SLC24A2: variants seen among roughly 807,000 people sequenced by gnomAD.
The protein encoded by SLC24A2 is sodium/potassium/calcium exchanger 2.
A neutral mutation model predicts 62.0 loss-of-function variants in SLC24A2; 36 were observed. The observed-to-expected ratio is 0.58, with a 90% CI of 0.44 to 0.77. SLC24A2 has a LOEUF of 0.77. Among genes scored for constraint, SLC24A2 ranks in the 30% least tolerant of loss-of-function variants. The pLI, the probability that SLC24A2 is intolerant of heterozygous loss-of-function variation, is 0.00. For missense variants in SLC24A2, 846 were observed against 817.9 expected (o/e 1.03, Z -0.42); for synonymous variants, 358 against 294.0 (o/e 1.22, Z -2.23).
chr9:20,030,205 G>A, the SLC24A2 span, among the ~76,000 whole-genome samples: 3 of 152,326 alleles, frequency 2.0e-5, no homozygotes, highest in African/African-American at 7.2e-5. Flanking sequence ...TGGCAATGGA[G>A]CAGAGGCCAG....
intron 2 of SLC24A2, among the ~76,000 whole-genome samples, chr9:19,655,218 G>C (rs1347091448): frequency 6.6e-6 from 1 of 152,202 alleles, no homozygotes; most frequent in African/African-American, 2.4e-5. Flanking sequence ...TCCACCTGTT[G>C]TTTTGGTAGT....
At chr9:19,752,470 A>C (rs976482927) in intron 2 of SLC24A2, among the ~76,000 whole-genome samples, 2 of 149,594 alleles carry the variant, frequency 1.3e-5, no homozygotes, top group Non-Finnish European at 3.0e-5. Context: ...CAAAGCGATC[A>C]TCATGGCAGA....
At chr9:19,616,487 T>C (rs933356639) in intron 4 of SLC24A2, among the ~76,000 whole-genome samples, 15 of 152,222 alleles carry the variant, frequency 9.9e-5, no homozygotes, top group African/African-American at 3.1e-4. Context: ...AATTGCTACA[T>C]AATACTGCCT....
At chr9:20,200,442 T>A in the SLC24A2 span, among the ~76,000 whole-genome samples, 142 of 152,312 alleles carry the variant, frequency 9.3e-4, no homozygotes, top group African/African-American at 3.2e-3. Context: ...AGACTTTGAT[T>A]CTCACAAATT....
intron 1 of SLC24A2, among the ~76,000 whole-genome samples, chr9:19,787,536 T>C (rs1823211149): frequency 6.6e-6 from 1 of 152,198 alleles, no homozygotes; most frequent in Non-Finnish European, 1.5e-5. Flanking sequence ...ATTTGGAAAG[T>C]GAGTGATTCT....
At chr9:20,245,688 A>G in the SLC24A2 span, among the ~76,000 whole-genome samples, 1 of 152,240 alleles carries the variant, frequency 6.6e-6, no homozygotes, top group African/African-American at 2.4e-5. Context: ...ATTAGGATGA[A>G]CAAAATGCAG....
the SLC24A2 span, among the ~76,000 whole-genome samples, chr9:20,231,666 C>T: frequency 6.6e-6 from 1 of 152,148 alleles, no homozygotes; most frequent in Admixed American, 6.5e-5. Context: ...GATATAAAAT[C>T]ATGTCATCTG....
the SLC24A2 span, among the ~76,000 whole-genome samples, chr9:19,875,095 G>A: frequency 2.0e-5 from 3 of 150,168 alleles, no homozygotes; most frequent in African/African-American, 7.3e-5. Context: ...TCAATGGAAA[G>A]TTTACTCTTG....
the SLC24A2 span, among the ~76,000 whole-genome samples, chr9:19,796,334 T>C: frequency 6.6e-6 from 1 of 152,192 alleles, no homozygotes; most frequent in South Asian, 2.1e-4. Flanking sequence ...ATATAACTGT[T>C]CATTTCCCCT....
chr9:19,786,035 C>G lies in SLC24A2; in HGVS notation c.832G>C (p.Val278Leu). The change falls in exon 2 of 11, where the codon GTT becomes CTT. Residue 278 changes from valine (V) to leucine (L), a missense_variant. Transcript: ENST00000341998. The surrounding 1 kb of genome is among the most constrained non-coding windows in gnomAD (Gnocchi z 5.0). ...LLLTAYFCYVVFMKFNVQVEK... is the reference protein window; with the variant it reads ...LLLTAYFCYVLFMKFNVQVEK... ...ACTTGGACGTTGAATTTCATGAAAACCACATAGCAAAAATAAGCTGTTAAG... is the reference window on the plus strand; with the variant it reads ...ACTTGGACGTTGAATTTCATGAAAAGCACATAGCAAAAATAAGCTGTTAAG... 2 of 1,614,126 alleles carry G rather than the reference C, an allele frequency of 1.2e-6. No homozygotes were observed. The highest frequency in any genetic ancestry group is 8.5e-7 in the Non-Finnish European group (1 of 1,179,986).
At chr9:19,730,047 C>T (rs1454545110) in intron 2 of SLC24A2, among the ~76,000 whole-genome samples, 1 of 152,000 alleles carries the variant, frequency 6.6e-6, no homozygotes, top group East Asian at 1.9e-4. Context: ...AAAAGTACTG[C>T]CATTTAAATG....
At chr9:20,080,005 T>A in the SLC24A2 span, among the ~76,000 whole-genome samples, 1 of 152,210 alleles carries the variant, frequency 6.6e-6, no homozygotes, top group Non-Finnish European at 1.5e-5. Flanking sequence ...AAACGTTCCA[T>A]GCTCATGGGT....
At chr9:19,997,741 T>A in the SLC24A2 span, among the ~76,000 whole-genome samples, 1 of 152,224 alleles carries the variant, frequency 6.6e-6, no homozygotes, top group Non-Finnish European at 1.5e-5. Context: ...TTCAGCTCTG[T>A]TGAGATCTTA....
At chr9:19,792,167 T>G (rs1027701963), upstream of SLC24A2, among the ~76,000 whole-genome samples, 5 of 152,196 alleles carry the variant, frequency 3.3e-5, no homozygotes, top group African/African-American at 9.6e-5. Context: ...AGGTTAGGAA[T>G]ATCCCCTTGC....
the SLC24A2 span, among the ~76,000 whole-genome samples, chr9:20,298,108 C>T: frequency 2.6e-5 from 4 of 152,176 alleles, no homozygotes; most frequent in Non-Finnish European, 5.9e-5. Flanking sequence ...GTGACTGATA[C>T]CCATGAAGCT....
At chr9:19,559,613 T>G (rs1026157106) in intron 7 of SLC24A2, among the ~76,000 whole-genome samples, 1 of 152,196 alleles carries the variant, frequency 6.6e-6, no homozygotes, top group African/African-American at 2.4e-5. Context: ...AGTCACACTT[T>G]GAAACAGGGA....
intron 2 of SLC24A2, among the ~76,000 whole-genome samples, chr9:19,762,020 T>G (rs1042663681): frequency 6.6e-6 from 1 of 152,164 alleles, no homozygotes; most frequent in Non-Finnish European, 1.5e-5. Flanking sequence ...CTGGGTCAAA[T>G]GGTATTTCTA....
chr9:20,148,162 G>T, the SLC24A2 span, among the ~76,000 whole-genome samples: 2 of 151,820 alleles, frequency 1.3e-5, no homozygotes, highest in African/African-American at 4.8e-5. Context: ...TTTTTACATC[G>T]ATTTGAAAGG....
chr9:19,707,144 T>G (rs1235522706), intron 2 of SLC24A2, among the ~76,000 whole-genome samples: 1 of 151,218 alleles, frequency 6.6e-6, no homozygotes, highest in African/African-American at 2.4e-5. Context: ...GCAAATAAAC[T>G]AGAAAATCTA....
Sources: allele counts gnomAD v4.1 joint callset (sites outside exome capture counted in the v4.1 genomes callset), GRCh38; gene constraint gnomAD v4.1.1; non-coding constraint Gnocchi (gnomAD v3.1); transcripts MANE v1.5; gene names NCBI Gene and HGNC (gene_info 2026-07-23, HGNC 2026-07-21).